Variants in OR51B5 observed in about 807,000 individuals in gnomAD.
The protein encoded by OR51B5 is olfactory receptor 51B5.
For synonymous variants in OR51B5, 186 were observed against 144.8 expected (o/e 1.28, Z -2.04); for missense variants, 456 against 374.6 (o/e 1.22, Z -1.79).
intron 1 of OR51B5, among the ~76,000 whole-genome samples, chr11:5,361,394 C>T (rs1041863679): frequency 5.3e-5 from 8 of 152,114 alleles, no homozygotes; most frequent in Admixed American, 4.6e-4. Context: ...TTCTTTGCAG[C>T]TTGGCTTCTG....
chr11:5,422,797 G>T, intron 1 of OR51B5: 1 of 1,614,122 alleles, frequency 6.2e-7, no homozygotes, highest in Middle Eastern at 1.6e-4. Context: ...TCAACAGCTG[G>T]TATGGATTTG....
intron 1 of OR51B5, among the ~76,000 whole-genome samples, chr11:5,430,243 G>A (rs1262739482): frequency 1.3e-5 from 2 of 152,006 alleles, no homozygotes; most frequent in African/African-American, 4.8e-5. Context: ...GGAAGATATG[G>A]TTAGGTAATC....
chr11:5,445,487 C>A (rs1372236720), intron 1 of OR51B5, among the ~76,000 whole-genome samples: 4 of 151,944 alleles, frequency 2.6e-5, no homozygotes, highest in Non-Finnish European at 5.9e-5. Flanking sequence ...TTCCACCAAC[C>A]AAACAGATAA....
chr11:5,398,942 C>A (rs1287471488), intron 1 of OR51B5, among the ~76,000 whole-genome samples: 1 of 152,152 alleles, frequency 6.6e-6, no homozygotes, highest in East Asian at 1.9e-4. Context: ...TGAACTAATA[C>A]AATCCCCAAG....
intron 1 of OR51B5, among the ~76,000 whole-genome samples, chr11:5,473,447 G>C (rs577978582): frequency 3.3e-5 from 5 of 152,152 alleles, no homozygotes; most frequent in African/African-American, 4.8e-5. Context: ...GTTAGAAATT[G>C]TACAGAGTTC....
intron 1 of OR51B5, among the ~76,000 whole-genome samples, chr11:5,470,293 A>G (rs573646408): frequency 2.0e-5 from 3 of 152,280 alleles, no homozygotes; most frequent in Admixed American, 2.0e-4. Context: ...TGTCCCACCC[A>G]TTATCACTTC....
At chr11:5,459,141 T>C (rs1851008077) in intron 1 of OR51B5, among the ~76,000 whole-genome samples, 1 of 152,224 alleles carries the variant, frequency 6.6e-6, no homozygotes, top group South Asian at 2.1e-4. Context: ...ATACCTAGTT[T>C]ATTGAGTGTT....
intron 1 of OR51B5, among the ~76,000 whole-genome samples, chr11:5,479,327 C>T (rs1463409741): frequency 1.3e-5 from 2 of 151,256 alleles, no homozygotes; most frequent in African/African-American, 2.4e-5. Context: ...ATTTTGTCAC[C>T]ACCAGGTCTG....
chr11:5,390,033 T>G, intron 1 of OR51B5: 1 of 1,613,646 alleles, frequency 6.2e-7, no homozygotes, highest in Non-Finnish European at 8.5e-7. Context: ...CTGTATGGAC[T>G]GATGGTGGTA....
intron 1 of OR51B5, among the ~76,000 whole-genome samples, chr11:5,410,704 T>A (rs956441950): frequency 3.3e-5 from 5 of 152,190 alleles, no homozygotes; most frequent in African/African-American, 7.2e-5. Flanking sequence ...GACAGCTTCA[T>A]GTATGTTATT....
At chr11:5,454,539 C>T in intron 1 of OR51B5, 3 of 894,488 alleles carry the variant, frequency 3.4e-6, no homozygotes. Context: ...GAAAAGTAGG[C>T]CAGGAGATGG....
At chr11:5,405,349 T>C (rs920185337) in intron 1 of OR51B5, among the ~76,000 whole-genome samples, 1 of 152,200 alleles carries the variant, frequency 6.6e-6, no homozygotes, top group African/African-American at 2.4e-5. Flanking sequence ...CTTCAGAGTC[T>C]GAGCTCTTAA....
chr11:5,447,133 TA>T (rs2133780981), intron 1 of OR51B5, among the ~76,000 whole-genome samples: 1 of 152,258 alleles, frequency 6.6e-6, no homozygotes, highest in African/African-American at 2.4e-5. Context: ...AATAATACAA[TA>T]AGAATGAGGC....
intron 1 of OR51B5, among the ~76,000 whole-genome samples, chr11:5,378,401 GC>G (rs1422753306): frequency 6.6e-6 from 1 of 152,076 alleles, no homozygotes; most frequent in Non-Finnish European, 1.5e-5. Flanking sequence ...ATAGGCATGG[GC>G]AAGGACTTCA....
intron 1 of OR51B5, among the ~76,000 whole-genome samples, chr11:5,442,057 G>A (rs16931034): frequency 0.19 from 28,188 of 151,870 alleles, 2,919 homozygotes; most frequent in East Asian, 0.38. Flanking sequence ...TCTCATGCCC[G>A]TGCACTTGCT....
chr11:5,344,909 T>C (rs1848966753), upstream of OR51B5, among the ~76,000 whole-genome samples: 1 of 152,186 alleles, frequency 6.6e-6, no homozygotes, highest in Admixed American at 6.5e-5. Context: ...TATAGCAGTT[T>C]GAGGGGCCTA....
At chr11:5,381,172 T>TCACACACA (rs763711428) in intron 1 of OR51B5, among the ~76,000 whole-genome samples, 12 of 101,986 alleles carry the variant, frequency 1.2e-4, no homozygotes, top group African/African-American at 4.1e-4. Context: ...TCTCTCTCTC[T>TCACACACA]CTCACACACA....
intron 1 of OR51B5, chr11:5,440,937 T>C (rs374695087): frequency 1.2e-6 from 2 of 1,613,910 alleles, no homozygotes; most frequent in African/African-American, 1.3e-5. Flanking sequence ...AACATGGATG[T>C]CTCCACATGC....
rs545853363 is a variant in OR51B5 at position 5,474,389 on chromosome 11, C to G, written n.84+31180G>C. Among the ~76,000 whole-genome samples the G allele has an allele frequency of 4.9e-4, 75 of 152,196 alleles. 1 individual carries two copies. Among genetic ancestry groups the G allele is most frequent in the African/African-American group, 1.8e-3 (74 of 41,536 alleles). Reference sequence around the variant, plus strand: ...AGATAAAGGCGAACAACACAAGAGACTTGAAGGACAACAATAATCAAGCAG... The same window carrying G: ...AGATAAAGGCGAACAACACAAGAGAGTTGAAGGACAACAATAATCAAGCAG... On this transcript the variant is annotated intron_variant and non_coding_transcript_variant, in intron 1 of 4. Transcript: ENST00000415970.
Sources: gnomAD v4.1 joint callset for allele counts (sites outside exome capture counted in the v4.1 genomes callset) on GRCh38, gnomAD v4.1.1 for gene constraint, MANE v1.5 for transcripts, NCBI Gene and HGNC (gene_info 2026-07-23, HGNC 2026-07-21) for gene names.